LRRC37A2: variants seen among roughly 807,000 people sequenced by gnomAD.
LRRC37A2 encodes the protein leucine rich repeat containing 37 member A2, also known as leucine-rich repeat-containing protein 37A2.
A neutral mutation model predicts 68.8 loss-of-function variants in LRRC37A2; 9 were observed. The observed-to-expected ratio is 0.13, with a 90% CI of 0.08 to 0.23. The LOEUF (loss-of-function observed/expected upper bound fraction) is 0.23, where lower values mean the gene tolerates loss of function less well. LRRC37A2 is among the 10% of genes least tolerant of loss of function. The probability of loss-of-function intolerance (pLI) is 1.00; values close to 1 mark genes in which losing one functional copy is unlikely to be tolerated. For synonymous variants in LRRC37A2, 63 were observed against 367.6 expected (o/e 0.17, Z 9.48); for missense variants, 168 against 950.4 (o/e 0.18, Z 10.82).
chr17:46,704,717 A>T, the LRRC37A2 span: 1 of 1,589,666 alleles, frequency 6.3e-7, no homozygotes, highest in Non-Finnish European at 8.5e-7. Flanking sequence ...AACTATTCTT[A>T]AATCTTGGAA....
the LRRC37A2 span, among the ~76,000 whole-genome samples, chr17:46,719,494 A>G: frequency 6.6e-6 from 1 of 152,212 alleles, no homozygotes; most frequent in Non-Finnish European, 1.5e-5. This position sits in a 1 kb window ranked among gnomAD's most constrained non-coding sequence, Gnocchi z 4.3. Context: ...TTTGCTTATT[A>G]GTGAATCCTT....
At chr17:46,974,613 A>G in the LRRC37A2 span, among the ~76,000 whole-genome samples, 1 of 152,174 alleles carries the variant, frequency 6.6e-6, no homozygotes, top group Non-Finnish European at 1.5e-5. Context: ...GGGCGCCTGT[A>G]GTCCCAGCTA....
chr17:46,885,995 G>A, the LRRC37A2 span: 1 of 152,296 alleles, frequency 6.6e-6, no homozygotes, highest in Admixed American at 6.5e-5. Flanking sequence ...CTGGAAAGCA[G>A]CCTGCTGATC....
At chr17:46,781,373 A>G in the LRRC37A2 span, among the ~76,000 whole-genome samples, 1 of 152,170 alleles carries the variant, frequency 6.6e-6, no homozygotes, top group African/African-American at 2.4e-5. Flanking sequence ...GTTCTAGGTA[A>G]AGACACGCCA....
At chr17:46,886,055 C>T in the LRRC37A2 span, 1 of 152,314 alleles carries the variant, frequency 6.6e-6, no homozygotes, top group African/African-American at 2.4e-5. Flanking sequence ...AGGTGGTCCC[C>T]TGCCTCAGCT....
chr17:46,947,081 A>G, the LRRC37A2 span, among the ~76,000 whole-genome samples: 4 of 152,112 alleles, frequency 2.6e-5, no homozygotes, highest in Non-Finnish European at 5.9e-5. Context: ...TGGAAAGAGT[A>G]GGGACGTATT....
At chr17:46,837,344 T>C in the LRRC37A2 span, among the ~76,000 whole-genome samples, 1 of 152,186 alleles carries the variant, frequency 6.6e-6, no homozygotes, top group Admixed American at 6.5e-5. Context: ...GATAACCTAC[T>C]CATGGAGCCA....
At chr17:46,943,583 C>A in the LRRC37A2 span, among the ~76,000 whole-genome samples, 2 of 152,224 alleles carry the variant, frequency 1.3e-5, no homozygotes, top group African/African-American at 4.8e-5. Flanking sequence ...TGCTCCTCAC[C>A]GCAGGGGCCT....
At chr17:46,799,002 C>T in the LRRC37A2 span, among the ~76,000 whole-genome samples, 22 of 144,340 alleles carry the variant, frequency 1.5e-4, no homozygotes, top group African/African-American at 5.5e-4. Context: ...GAGCCAAGAT[C>T]ACACCACTGT....
In LRRC37A2 at chr17:46,544,666, C is replaced by G. The variant is rs866498461; in HGVS notation, c.3054-1589C>G. On this transcript the variant is annotated intron_variant, in intron 8 of 14. Transcript: ENST00000576629. The stretch of plus-strand genomic sequence containing the variant: ...CTATGGAATCTGTATTCTTAATGAC[C>G]ATGCTATACTGCCTAAGATTAACCT... 1.4e-4 allele frequency among the ~76,000 whole-genome samples: 11 copies of G among 77,036 alleles called. 2 individuals are homozygous for G. The highest frequency in any genetic ancestry group is 7.7e-4 in the African/African-American group (10 of 12,916). The allele number at this position is 77,036 out of a possible 152,430, so 50.5% of individuals were successfully genotyped here.
the LRRC37A2 span, among the ~76,000 whole-genome samples, chr17:46,789,117 G>T: frequency 1.3e-5 from 2 of 152,200 alleles, no homozygotes; most frequent in Admixed American, 6.5e-5. Context: ...AGCACAGTGC[G>T]TGGGGCACTC....
chr17:46,493,177 A>T, the LRRC37A2 span, among the ~76,000 whole-genome samples: 3 of 99,062 alleles, frequency 3.0e-5, no homozygotes, highest in African/African-American at 9.3e-5. Flanking sequence ...TTTTTTTTTG[A>T]GACAGAGTCT....
downstream of LRRC37A2, among the ~76,000 whole-genome samples, chr17:46,558,497 C>T (rs1195610155): frequency 4.8e-5 from 6 of 123,898 alleles, no homozygotes; most frequent in Admixed American, 8.0e-5. Flanking sequence ...AGTGATTCTC[C>T]TGCCTCAGCC....
At chr17:46,834,082 CT>C in the LRRC37A2 span, among the ~76,000 whole-genome samples, 1 of 152,120 alleles carries the variant, frequency 6.6e-6, no homozygotes, top group Non-Finnish European at 1.5e-5. Flanking sequence ...GCAGTCTCAG[CT>C]ACTCGGGAGG....
the LRRC37A2 span, among the ~76,000 whole-genome samples, chr17:46,788,807 G>A: frequency 1.3e-5 from 2 of 152,108 alleles, no homozygotes; most frequent in African/African-American, 4.8e-5. Context: ...TGAGTGCCCA[G>A]TCCTTTCCTT....
At chr17:46,883,565 G>T in the LRRC37A2 span, among the ~76,000 whole-genome samples, 1 of 152,194 alleles carries the variant, frequency 6.6e-6, no homozygotes, top group African/African-American at 2.4e-5. Flanking sequence ...GATTACAGGC[G>T]TGAGCCACTG....
chr17:46,890,186 G>T, the LRRC37A2 span, among the ~76,000 whole-genome samples: 2 of 152,054 alleles, frequency 1.3e-5, no homozygotes, highest in Non-Finnish European at 2.9e-5. Context: ...GTCTTGTGCC[G>T]ACTAATCATG....
At chr17:46,835,575 C>T in the LRRC37A2 span, among the ~76,000 whole-genome samples, 1 of 152,226 alleles carries the variant, frequency 6.6e-6, no homozygotes, top group African/African-American at 2.4e-5. Context: ...TCACCTCCTC[C>T]AGGAAGCCTC....
chr17:46,860,327 G>A, the LRRC37A2 span, among the ~76,000 whole-genome samples: 3 of 152,174 alleles, frequency 2.0e-5, no homozygotes, highest in Non-Finnish European at 4.4e-5. Context: ...ATGTGCTCAG[G>A]TGGAAGTTGG....
Sources: allele counts gnomAD v4.1 joint callset (sites outside exome capture counted in the v4.1 genomes callset), GRCh38; gene constraint gnomAD v4.1.1; non-coding constraint Gnocchi (gnomAD v3.1); transcripts MANE v1.5; gene names NCBI Gene and HGNC (gene_info 2026-07-23, HGNC 2026-07-21).